Variants in GRID2 observed in about 807,000 individuals in gnomAD.
GRID2 encodes glutamate ionotropic receptor delta type subunit 2.
In GRID2, 33 loss-of-function variants were observed where a neutral mutation model predicts 114.8. The observed-to-expected ratio is 0.29, with a 90% CI of 0.22 to 0.38. GRID2 has a LOEUF of 0.38. Ranked by LOEUF, GRID2 falls within the 10% of genes least tolerant of loss-of-function variation. The probability of loss-of-function intolerance (pLI) is 1.00; values close to 1 mark genes in which losing one functional copy is unlikely to be tolerated. For missense variants in GRID2, 1,184 were observed against 1,257.7 expected, an observed-to-expected ratio of 0.94 and a Z score of 0.89; for synonymous variants, 505 against 449.9, an observed-to-expected ratio of 1.12 and a Z score of -1.55.
At chr4:93,791,397 A>G (rs1734691758) in intron 1 of GRID2, among the ~76,000 whole-genome samples, 1 of 152,190 alleles carries the variant, frequency 6.6e-6, no homozygotes, top group African/African-American at 2.4e-5. Context: ...CAACATTATA[A>G]AAAGGTCATA....
chr4:92,543,088 A>C (rs1726063445), intron 1 of GRID2, among the ~76,000 whole-genome samples: 1 of 152,148 alleles, frequency 6.6e-6, no homozygotes, highest in Non-Finnish European at 1.5e-5. Context: ...ATTCTGTCAG[A>C]TATTATAAAG....
chr4:93,476,925 A>C (rs1725374779), intron 11 of GRID2, among the ~76,000 whole-genome samples: 1 of 152,168 alleles, frequency 6.6e-6, no homozygotes, highest in African/African-American at 2.4e-5. Context: ...TTGCATATAA[A>C]AATAATGGGA....
chr4:93,625,989 T>C (rs113872339), intron 13 of GRID2, among the ~76,000 whole-genome samples: 2 of 152,254 alleles, frequency 1.3e-5, no homozygotes, highest in African/African-American at 4.8e-5. Context: ...TTGTATTAGG[T>C]ATCATAAGTA....
chr4:93,160,267 A>G (rs1027885349), intron 4 of GRID2, among the ~76,000 whole-genome samples: 9 of 151,842 alleles, frequency 5.9e-5, no homozygotes, highest in Non-Finnish European at 8.8e-5. Context: ...TAAAATTTGT[A>G]CAGTAATCAA....
At chr4:93,324,387 A>T (rs1218838118) in intron 8 of GRID2, among the ~76,000 whole-genome samples, 1 of 152,138 alleles carries the variant, frequency 6.6e-6, no homozygotes, top group African/African-American at 2.4e-5. Flanking sequence ...CTTGCATCGC[A>T]GGGATGAAGC....
intron 2 of GRID2, among the ~76,000 whole-genome samples, chr4:92,865,098 G>T (rs1744770311): frequency 6.6e-6 from 1 of 152,088 alleles, no homozygotes. Context: ...GTCTTAACTC[G>T]AGTGAGGTTT....
intron 13 of GRID2, among the ~76,000 whole-genome samples, chr4:93,532,890 A>G (rs984581062): frequency 1.2e-4 from 18 of 152,094 alleles, no homozygotes; most frequent in Non-Finnish European, 2.6e-4. Context: ...ATTTCACAGT[A>G]TTTTGCATAT....
At chr4:92,718,386 G>C (rs1048413267) in intron 2 of GRID2, among the ~76,000 whole-genome samples, 1 of 151,974 alleles carries the variant, frequency 6.6e-6, no homozygotes, top group African/African-American at 2.4e-5. Context: ...AACTCCTTTT[G>C]CTTCAGCTGT....
At chr4:93,103,938 T>C (rs1731948412) in intron 3 of GRID2, among the ~76,000 whole-genome samples, 1 of 151,660 alleles carries the variant, frequency 6.6e-6, no homozygotes, top group Non-Finnish European at 1.5e-5. Context: ...AAGTTTCAGC[T>C]TTTACTTTAG....
chr4:93,454,172 G>T lies in GRID2; in HGVS notation c.1546-1490G>T, dbSNP rs1905728. Reference sequence around the variant, plus strand: ...TTCAGTTAATAATTGTAGATCCATGGTACGTATACTAATATGGTCTTGTTA... The same window carrying T: ...TTCAGTTAATAATTGTAGATCCATGTTACGTATACTAATATGGTCTTGTTA... On this transcript the variant is annotated intron_variant, in intron 10 of 15. Transcript: ENST00000282020. Among the ~76,000 whole-genome samples, 4 of 151,856 alleles carry T rather than the reference G, an allele frequency of 2.6e-5. No homozygotes were observed. The South Asian group carries it at 6.2e-4, about 24-fold the overall frequency.
intron 2 of GRID2, among the ~76,000 whole-genome samples, chr4:92,958,606 C>T (rs76374424): frequency 0.015 from 2,247 of 152,108 alleles, 21 homozygotes; most frequent in East Asian, 0.053. Context: ...TCTATGTCCA[C>T]AACATATATT....
At chr4:93,304,268 A>G (rs900135232) in intron 8 of GRID2, among the ~76,000 whole-genome samples, 2 of 148,034 alleles carry the variant, frequency 1.4e-5, no homozygotes, top group African/African-American at 4.9e-5. Flanking sequence ...ATATATATAT[A>G]TATATATATA....
At chr4:93,594,420 T>C (rs1213822145) in intron 13 of GRID2, among the ~76,000 whole-genome samples, 1 of 152,200 alleles carries the variant, frequency 6.6e-6, no homozygotes. Context: ...TTCTCAGATC[T>C]CCAGCTGCGT....
At chr4:93,195,526 A>G (rs1229671528) in intron 4 of GRID2, among the ~76,000 whole-genome samples, 1 of 152,166 alleles carries the variant, frequency 6.6e-6, no homozygotes, top group Non-Finnish European at 1.5e-5. Flanking sequence ...ATATTTGTGT[A>G]TGGCCAAATA....
chr4:92,578,758 A>ATCTATCTATCTG, intron 1 of GRID2, among the ~76,000 whole-genome samples: 1 of 152,126 alleles, frequency 6.6e-6, no homozygotes, highest in African/African-American at 2.4e-5. Context: ...CTATCTATCT[A>ATCTATCTATCTG]TCTATCTACA....
chr4:93,327,100 T>G (rs2149220041), intron 8 of GRID2, among the ~76,000 whole-genome samples: 1 of 152,282 alleles, frequency 6.6e-6, no homozygotes, highest in Middle Eastern at 3.4e-3. Context: ...GCCTCTTCTC[T>G]TATGTATTTA....
chr4:93,485,610 T>G (rs565247055), intron 11 of GRID2, among the ~76,000 whole-genome samples: 7 of 151,760 alleles, frequency 4.6e-5, no homozygotes, highest in Non-Finnish European at 7.4e-5. Flanking sequence ...CTAATTAACC[T>G]AGAACTACTT....
chr4:92,993,402 C>T (rs556022545), intron 2 of GRID2, among the ~76,000 whole-genome samples: 90 of 151,818 alleles, frequency 5.9e-4, no homozygotes, highest in Non-Finnish European at 1.2e-3. Flanking sequence ...CCCTACTTAC[C>T]TCACCTCTGT....
chr4:93,695,471 A>C (rs1241302068), intron 14 of GRID2, among the ~76,000 whole-genome samples: 1 of 152,218 alleles, frequency 6.6e-6, no homozygotes, highest in Non-Finnish European at 1.5e-5. Flanking sequence ...TAATTACTGC[A>C]AGTTTGCTTT....
Sources: gnomAD v4.1 joint callset for allele counts (sites outside exome capture counted in the v4.1 genomes callset) on GRCh38, gnomAD v4.1.1 for gene constraint, MANE v1.5 for transcripts, NCBI Gene and HGNC (gene_info 2026-07-23, HGNC 2026-07-21) for gene names.